The following USP4 variants were observed in gnomAD, a reference collection of about 807,000 sequenced individuals.
USP4 encodes ubiquitin specific peptidase 4, also known as ubiquitin carboxyl-terminal hydrolase 4.
Under a neutral mutation model 118.2 loss-of-function variants are expected in USP4, and 72 were observed. That is an observed-to-expected ratio of 0.61 (90% confidence interval 0.50 to 0.74). The LOEUF (loss-of-function observed/expected upper bound fraction) is 0.74, where lower values mean the gene tolerates loss of function less well. Ranked by LOEUF, USP4 falls within the 30% of genes least tolerant of loss-of-function variation. The pLI is 0.00. For synonymous variants in USP4, 415 were observed against 440.4 expected, an observed-to-expected ratio of 0.94 and a Z score of 0.72; for missense variants, 1,037 against 1,185.7, an observed-to-expected ratio of 0.87 and a Z score of 1.84.
In USP4 at chr3:49,311,528, G is replaced by C. The variant is rs769788646; in HGVS notation, c.822C>G (p.Ser274=). The C allele has an allele frequency of 6.2e-7, 1 of 1,613,574 alleles. No individual in the cohort carries two copies. Among genetic ancestry groups the C allele is most frequent in the Non-Finnish European group, 8.5e-7 (1 of 1,179,700 alleles). The change falls in exon 7 of 22, where the codon TCC becomes TCG. Residue 274 remains serine, a synonymous_variant. Coordinates refer to ENST00000265560, the MANE Select transcript of USP4 (RefSeq NM_003363.4). ...CCTGCTCTTACCCCCTGCTGACACC[G>C]GAACTGTGCATCCCACAGGTGCTAG... ...DSTSTCGMHS[S]GVSRGGSGFS...
At chr3:49,295,781 T>C (rs2047201724) in intron 13 of USP4, among the ~76,000 whole-genome samples, 1 of 151,588 alleles carries the variant, frequency 6.6e-6, no homozygotes, top group African/African-American at 2.4e-5. Flanking sequence ...CTGAAGTTTA[T>C]GAAGGAGGAA....
At chr3:49,310,476 G>T in intron 8 of USP4, 144 bp downstream of exon 8, 1 of 717,036 alleles carries the variant, frequency 1.4e-6, no homozygotes. Context: ...CCACCTAGTG[G>T]GAGATGCCCT....
intron 6 of USP4, among the ~76,000 whole-genome samples, chr3:49,322,230 C>T (rs2107796840): frequency 6.6e-6 from 1 of 152,326 alleles, no homozygotes; most frequent in South Asian, 2.1e-4. Context: ...ATGCCCTGCT[C>T]TGTGTCTACC....
In USP4 at chr3:49,277,255, C is replaced by G; in HGVS notation, c.*1038G>C. On this transcript the variant is annotated 3_prime_UTR_variant, in exon 22 of 22. Coordinates refer to ENST00000265560, the MANE Select transcript of USP4 (RefSeq NM_003363.4). ...CGTGCCCCGCGCAGGCCCCAAACCC[C>G]CACGGATTAGGTTGAAGGTCAGACA... 7.7e-7 allele frequency: 1 copy of G among 1,300,880 alleles called. No homozygotes were observed. Among genetic ancestry groups the G allele is most frequent in the South Asian group, 1.2e-5 (1 of 81,026 alleles). The allele number at this position is 1,300,880 out of a possible 1,614,324, so 80.6% of individuals were successfully genotyped here. A position where few individuals can be genotyped will look rare whatever the true frequency, so the allele number is the denominator to read the frequency against.
At chr3:49,283,208 G>T (rs967614559) in intron 19 of USP4, among the ~76,000 whole-genome samples, 1 of 148,360 alleles carries the variant, frequency 6.7e-6, no homozygotes, top group Non-Finnish European at 1.5e-5. Flanking sequence ...TAGAGATGGG[G>T]TTTCACCATG....
chr3:49,329,321 G>A (rs900963599), intron 2 of USP4, among the ~76,000 whole-genome samples: 9 of 152,070 alleles, frequency 5.9e-5, no homozygotes, highest in South Asian at 2.1e-4. Flanking sequence ...GAAGTCATCC[G>A]TAAGTGTTGG....
Position 49,278,498 on chromosome 3 carries a change from C to T in USP4, c.2734-47G>A, listed in dbSNP as rs755164207. On this transcript the variant is annotated intron_variant, in intron 21 of 21. Transcript: ENST00000265560. ...GACCATTCAGTGCTTGGAAAAATCA[C>T]CCATTTTCCCCAGCTTTTCTCTAGC... 7 of 1,583,772 alleles carry T rather than the reference C, an allele frequency of 4.4e-6. No homozygotes were observed. In the South Asian group the frequency reaches 4.6e-5, roughly 10 times the overall value.
At chr3:49,281,491 T>TATATATATAC (rs1242949530) in intron 19 of USP4, among the ~76,000 whole-genome samples, 9 of 126,538 alleles carry the variant, frequency 7.1e-5, no homozygotes, top group African/African-American at 2.3e-4. Flanking sequence ...TATATATATA[T>TATATATATAC]ACACACACAC....
intron 16 of USP4, 38 bp downstream of exon 16, chr3:49,286,060 C>T (rs2047087698): frequency 6.3e-7 from 1 of 1,597,802 alleles, no homozygotes; most frequent in Non-Finnish European, 8.6e-7. Context: ...ATCCTAAGAC[C>T]CTAAAGCCCA....
At chr3:49,318,337 C>T (rs532748265) in intron 6 of USP4, 1 of 985,572 alleles carries the variant, frequency 1.0e-6, no homozygotes. Context: ...TCCACACCAA[C>T]ACTGTGAACA....
intron 2 of USP4, 147 bp downstream of exon 2, chr3:49,335,322 A>C (rs2047657480): frequency 8.9e-7 from 1 of 1,129,670 alleles, no homozygotes; most frequent in African/African-American, 1.6e-5. Flanking sequence ...AAGGGTTTGC[A>C]AAGACTTCTG....
intron 15 of USP4, among the ~76,000 whole-genome samples, chr3:49,286,816 C>CTCTATCTA (rs57920190): frequency 0.18 from 25,834 of 141,158 alleles, 2,552 homozygotes; most frequent in Admixed American, 0.24. Flanking sequence ...ACTCTAGCCA[C>CTCTATCTA]TCTATCTATC....
chr3:49,312,150 C>T (rs2107788675), intron 6 of USP4: 1 of 208,026 alleles, frequency 4.8e-6, no homozygotes, highest in East Asian at 1.4e-4. Context: ...ATGGAGAAAC[C>T]CCGTCACTAC....
chr3:49,306,009 T>C, intron 8 of USP4, 121 bp from the exon 9 acceptor site: 2 of 1,001,030 alleles, frequency 2.0e-6, no homozygotes, highest in East Asian at 5.7e-5. Flanking sequence ...CTCAGGAGAT[T>C]CTCTGAAGGC....
chr3:49,325,068 G>T (rs1301308334), intron 4 of USP4, 29 bp from the exon 5 acceptor site: 1 of 1,606,054 alleles, frequency 6.2e-7, no homozygotes, highest in Non-Finnish European at 8.5e-7. Context: ...ATCACTTGGG[G>T]CTTTGTCCAC....
intron 19 of USP4, among the ~76,000 whole-genome samples, chr3:49,281,073 C>T (rs2047018391): frequency 6.6e-6 from 1 of 152,154 alleles, no homozygotes; most frequent in Non-Finnish European, 1.5e-5. Context: ...GTAATCCCAG[C>T]ACTTTGGGGG....
Position 49,277,210 on chromosome 3 carries a change from T to A in USP4, c.*1083A>T. 7.5e-7 allele frequency: 1 copy of A among 1,336,640 alleles called. No homozygotes were observed. The highest frequency in any genetic ancestry group is 9.8e-7 in the Non-Finnish European group (1 of 1,019,738). The allele number at this position is 1,336,640 out of a possible 1,614,324, so 82.8% of individuals were successfully genotyped here. ...CCCGCAGCGCAGTGACGCCGACCCA[T>A]CCAACGGTCATCGCATGCGCGTGCC... On this transcript the variant is annotated 3_prime_UTR_variant, in exon 22 of 22. Coordinates refer to ENST00000265560, the MANE Select transcript of USP4 (RefSeq NM_003363.4).
Position 49,302,497 on chromosome 3 carries a change from G to C in USP4, c.1174C>G (p.Gln392Glu), listed in dbSNP as rs762511050. 1 of 1,614,124 alleles carries C rather than the reference G, an allele frequency of 6.2e-7. No homozygotes were observed. Among genetic ancestry groups the C allele is most frequent in the Non-Finnish European group, 8.5e-7 (1 of 1,180,010 alleles). ...AAGGCCAGCAGCTCCTGAGAATCTT[G>C]TTGCTGGTAGCCAGAAAATTGAGGA... ...FAPQFSGYQQ[Q>E]DSQELLAFLL... is the part of the protein sequence containing the mutation. The change falls in exon 10 of 22, where the codon CAA (glutamine) becomes GAA (glutamate). Residue 392 changes from glutamine to glutamate, a missense_variant. Physicochemically the swap from Gln to Glu is conservative, Grantham distance 29. This residue lies in a region of USP4 where 487 missense variants were observed against 534.1 expected (regional missense o/e 0.91). Coordinates refer to ENST00000265560, the MANE Select transcript of USP4 (RefSeq NM_003363.4).
chr3:49,298,432 T>A, intron 12 of USP4, 120 bp downstream of exon 12: 1 of 884,444 alleles, frequency 1.1e-6, no homozygotes, highest in Non-Finnish European at 1.9e-6. Flanking sequence ...CACACACAAA[T>A]AATCACATTT....
Sources: allele counts gnomAD v4.1 joint callset (sites outside exome capture counted in the v4.1 genomes callset), GRCh38; gene constraint gnomAD v4.1.1; regional missense constraint gnomAD v4.1.1; transcripts MANE v1.5; gene names NCBI Gene and HGNC (gene_info 2026-07-23, HGNC 2026-07-21).